The following EEF2K variants were observed in gnomAD, a reference collection of about 807,000 sequenced individuals.
EEF2K encodes alternative protein EEF2K.
Under a neutral mutation model 93.8 loss-of-function variants are expected in EEF2K, and 70 were observed. The ratio of observed to expected loss-of-function variants is 0.75; its 90% CI spans 0.62 to 0.91. EEF2K has a LOEUF of 0.91. Among genes scored for constraint, EEF2K ranks in the 40% least tolerant of loss-of-function variants. The pLI is 0.00. For synonymous variants in EEF2K, 376 were observed against 380.8 expected (o/e 0.99, Z 0.15); for missense variants, 935 against 972.9 (o/e 0.96, Z 0.52).
intron 12 of EEF2K, 27 bp downstream of exon 12, chr16:22,263,214 G>A (rs536814139): frequency 1.4e-5 from 23 of 1,594,276 alleles, no homozygotes; most frequent in Admixed American, 7.2e-5. Context: ...AAATGAGACC[G>A]GTGTCACCTG....
chr16:22,266,648 C>T (rs751024711), intron 14 of EEF2K, 40 bp from the exon 15 acceptor site: 1 of 1,586,952 alleles, frequency 6.3e-7, no homozygotes, highest in Non-Finnish European at 8.6e-7. Flanking sequence ...CGGCTTTGGC[C>T]CGCCAGACAG....
intron 2 of EEF2K, among the ~76,000 whole-genome samples, chr16:22,230,698 A>T (rs1177579540): frequency 6.6e-6 from 1 of 152,090 alleles, no homozygotes; most frequent in African/African-American, 2.4e-5. Flanking sequence ...ATTTTTAAAA[A>T]AATTTTTTGT....
At chr16:22,213,217 T>C (rs1177801424) in intron 1 of EEF2K, among the ~76,000 whole-genome samples, 1 of 151,922 alleles carries the variant, frequency 6.6e-6, no homozygotes, top group Non-Finnish European at 1.5e-5. Context: ...GAGATGGAGT[T>C]TGCAGTGAGC....
At chr16:22,244,452 G>A (rs1164920298) in intron 2 of EEF2K, among the ~76,000 whole-genome samples, 178 bp from the exon 3 acceptor site, 1 of 152,048 alleles carries the variant, frequency 6.6e-6, no homozygotes, top group East Asian at 1.9e-4. Context: ...CTGTGCCTGT[G>A]AGTGCAGATA....
chr16:22,222,259 T>C (rs900850823), intron 1 of EEF2K, among the ~76,000 whole-genome samples: 1 of 151,626 alleles, frequency 6.6e-6, no homozygotes, highest in Admixed American at 6.6e-5. Flanking sequence ...TGTGGTGCAA[T>C]TTCAGCTCAC....
At chr16:22,274,565 T>C (rs148445921) in intron 16 of EEF2K, among the ~76,000 whole-genome samples, 1 of 152,144 alleles carries the variant, frequency 6.6e-6, no homozygotes, top group East Asian at 1.9e-4. Flanking sequence ...TGAGAGTGGG[T>C]ATCCCTAGAT....
intron 6 of EEF2K, 134 bp downstream of exon 6, chr16:22,251,456 C>T: frequency 1.7e-6 from 2 of 1,192,488 alleles, no homozygotes; most frequent in South Asian, 3.2e-5. Flanking sequence ...CTCTGTCACC[C>T]ACCACCAAGG....
intron 15 of EEF2K, among the ~76,000 whole-genome samples, chr16:22,269,582 A>G (rs191480844): frequency 8.7e-4 from 132 of 151,740 alleles, no homozygotes; most frequent in African/African-American, 3.1e-3. Flanking sequence ...TTGTATTTTT[A>G]GTGGAGATGG....
intron 1 of EEF2K, among the ~76,000 whole-genome samples, chr16:22,220,079 A>T (rs1259355370): frequency 6.6e-6 from 1 of 152,230 alleles, no homozygotes; most frequent in Non-Finnish European, 1.5e-5. Context: ...TGGCCACGTG[A>T]CATGCTTAGC....
At chr16:22,211,500 C>T (rs757153015) in intron 1 of EEF2K, among the ~76,000 whole-genome samples, 33 of 152,130 alleles carry the variant, frequency 2.2e-4, no homozygotes, top group Non-Finnish European at 4.6e-4. Context: ...TGCCCTGCTG[C>T]CCAGGCTGGA....
At chr16:22,246,388 G>A (rs138504960) in intron 3 of EEF2K, among the ~76,000 whole-genome samples, 6,188 of 151,544 alleles carry the variant, frequency 0.041, 431 homozygotes, top group African/African-American at 0.14. Flanking sequence ...GGTGGTAGGC[G>A]CCTGTAATCC....
intron 11 of EEF2K, among the ~76,000 whole-genome samples, chr16:22,262,527 G>C (rs986135952): frequency 2.6e-5 from 4 of 152,052 alleles, no homozygotes; most frequent in Admixed American, 1.3e-4. Context: ...AAATAAAAAT[G>C]TGTGGTTTTG....
chr16:22,215,039 T>C (rs1302892212), intron 1 of EEF2K, among the ~76,000 whole-genome samples: 1 of 152,140 alleles, frequency 6.6e-6, no homozygotes, highest in East Asian at 1.9e-4. Flanking sequence ...TGGCCTGGGA[T>C]CAGTCTGATA....
rs1309888078 is a variant in EEF2K, at chr16:22,209,984, T to C, written c.-77+3305T>C. Among the ~76,000 whole-genome samples the C allele has an allele frequency of 2.6e-5, 4 of 152,124 alleles. No homozygotes were observed. The East Asian group carries it at 7.7e-4, about 29-fold the overall frequency. ...CTAACTTTTAATTTTAGTGTAGAGATGGGGTCTCACTCTGTTGCCCAGGCT... is the reference window on the plus strand; with the variant it reads ...CTAACTTTTAATTTTAGTGTAGAGACGGGGTCTCACTCTGTTGCCCAGGCT... On this transcript the variant is annotated intron_variant, in intron 1 of 17. Coordinates refer to ENST00000263026, the MANE Select transcript of EEF2K (RefSeq NM_013302.5).
chr16:22,280,249 G>A lies in EEF2K; in HGVS notation c.1941G>A (p.Met647Ile), dbSNP rs1453501842. The change falls in exon 17 of 18, where the codon ATG (methionine) becomes ATA (isoleucine). Residue 647 changes from methionine to isoleucine, a missense_variant. Met to Ile is a conservative substitution (Grantham distance 10, BLOSUM62 1). Coordinates refer to ENST00000263026, the MANE Select transcript of EEF2K (RefSeq NM_013302.5). ...ACTGGTACAACACTGCCCTGGAGAT[G>A]ACGGACTGTGATGAGGGCGGTGAGT... The part of the protein sequence containing the change: ...ALHWYNTALE[M>I]TDCDEGGEYD... 2 of 1,602,814 alleles carry A rather than the reference G, an allele frequency of 1.2e-6. No individual in the cohort carries two copies. The highest frequency in any genetic ancestry group is 4.6e-5 in the East Asian group (2 of 43,816).
intron 2 of EEF2K, among the ~76,000 whole-genome samples, chr16:22,227,911 A>G (rs1567264973): frequency 6.6e-6 from 1 of 151,934 alleles, no homozygotes; most frequent in Non-Finnish European, 1.5e-5. Context: ...AGCCTGGTCA[A>G]CATAGGAACA....
intron 2 of EEF2K, among the ~76,000 whole-genome samples, chr16:22,238,950 A>G (rs901128712): frequency 2.0e-5 from 3 of 152,124 alleles, no homozygotes; most frequent in Non-Finnish European, 4.4e-5. Flanking sequence ...AGGGGCCACA[A>G]AAAAGTGGAC....
intron 8 of EEF2K, 128 bp from the exon 9 acceptor site, chr16:22,257,515 C>CT: frequency 6.5e-7 from 1 of 1,546,036 alleles, no homozygotes; most frequent in South Asian, 1.2e-5. Context: ...AGATGGGAGC[C>CT]TGGATGTCTG....
At chr16:22,246,655 C>A (rs1010309037) in intron 3 of EEF2K, among the ~76,000 whole-genome samples, 6 of 151,886 alleles carry the variant, frequency 4.0e-5, no homozygotes, top group Middle Eastern at 3.4e-3. Context: ...GAAAATGATA[C>A]CCCAAAGTGA....
Sources: allele counts gnomAD v4.1 joint callset (sites outside exome capture counted in the v4.1 genomes callset), GRCh38; gene constraint gnomAD v4.1.1; transcripts MANE v1.5; gene names NCBI Gene and HGNC (gene_info 2026-07-23, HGNC 2026-07-21).